Variants in TECRL observed in about 807,000 individuals in gnomAD.
TECRL encodes trans-2,3-enoyl-CoA reductase like.
Under a neutral mutation model 52.8 loss-of-function variants are expected in TECRL, and 63 were observed. The observed-to-expected ratio is 1.19, with a 90% confidence interval of 0.97 to 1.47. TECRL has a LOEUF of 1.47. Ranked by LOEUF, TECRL falls within the 40% of genes most tolerant of loss-of-function variation. The pLI is 0.00. For synonymous variants in TECRL, 164 were observed against 141.9 expected (o/e 1.16, Z -1.10); for missense variants, 482 against 429.6 (o/e 1.12, Z -1.08).
At chr4:64,406,924 C>G (rs1487170540) in intron 1 of TECRL, among the ~76,000 whole-genome samples, 1 of 151,144 alleles carries the variant, frequency 6.6e-6, no homozygotes, top group Non-Finnish European at 1.5e-5. Context: ...GTTAATTTGT[C>G]TAAGAAAAAT....
At chr4:64,304,008 AAAT>A (rs1724177133) in intron 7 of TECRL, among the ~76,000 whole-genome samples, 1 of 151,850 alleles carries the variant, frequency 6.6e-6, no homozygotes, top group African/African-American at 2.4e-5. Context: ...TAAAGCCACA[AAAT>A]AATGTTTTTA....
In TECRL at chr4:64,278,334, CAT is replaced by C. The variant is rs549968419; in HGVS notation, c.*1736_*1737del. The C allele has an allele frequency of 1.0e-3, 173 of 172,210 alleles. No individual in the cohort carries two copies. Among genetic ancestry groups the C allele is most frequent in the Non-Finnish European group, 1.8e-3 (157 of 86,614 alleles). 10.7% of individuals were successfully genotyped at this position (172,210 alleles called of 1,614,324 possible). A position where few individuals can be genotyped will look rare whatever the true frequency, so the allele number is the denominator to read the frequency against. On this transcript the variant is annotated 3_prime_UTR_variant, in exon 12 of 12. Transcript: ENST00000381210. Reference sequence around the variant, plus strand: ...TTTCCGCAAGAATTTGAACTAATGACATAATACCTATGACACATCTCACTAAC... The same window carrying C: ...TTTCCGCAAGAATTTGAACTAATGACAATACCTATGACACATCTCACTAAC...
intron 1 of TECRL, among the ~76,000 whole-genome samples, chr4:64,402,357 T>G (rs537601481): frequency 6.6e-6 from 1 of 152,166 alleles, no homozygotes; most frequent in Non-Finnish European, 1.5e-5. Context: ...ATATATCAAT[T>G]ATAAGCCTCA....
intron 5 of TECRL, among the ~76,000 whole-genome samples, chr4:64,312,110 G>A (rs1305155677): frequency 3.9e-5 from 6 of 152,062 alleles, no homozygotes; most frequent in African/African-American, 7.2e-5. Flanking sequence ...GTGGTGGTTC[G>A]GTCACATATA....
intron 5 of TECRL, among the ~76,000 whole-genome samples, chr4:64,311,994 T>A (rs373935111): frequency 6.6e-6 from 1 of 152,160 alleles, no homozygotes; most frequent in South Asian, 2.1e-4. Flanking sequence ...GATAAGGAAA[T>A]GTTCAGGTAA....
rs542830117 is a variant in TECRL, at chr4:64,353,320, C to G, written c.286+21852G>C. Among the ~76,000 whole-genome samples the G allele has an allele frequency of 4.6e-5, 7 of 152,156 alleles. No individual in the cohort carries two copies. In the South Asian group the frequency reaches 1.4e-3, roughly 32 times the overall value. The stretch of plus-strand genomic sequence containing the variant: ...TATCATAAGGAGCTTCAACTTGATG[C>G]TAGAGGTACTAAAGAATGGATAAAA... On this transcript the variant is annotated intron_variant, in intron 2 of 11. Coordinates refer to ENST00000381210, the MANE Select transcript of TECRL (RefSeq NM_001010874.5).
intron 1 of TECRL, among the ~76,000 whole-genome samples, chr4:64,383,299 G>A (rs993868079): frequency 5.3e-5 from 8 of 152,000 alleles, no homozygotes; most frequent in African/African-American, 1.9e-4. Flanking sequence ...GTATCTGGAT[G>A]TCTATATCTT....
chr4:64,320,846 T>A (rs1168498558), intron 4 of TECRL, among the ~76,000 whole-genome samples: 1 of 152,122 alleles, frequency 6.6e-6, no homozygotes, highest in African/African-American at 2.4e-5. Context: ...TGCAAATGCA[T>A]GCATCGTCTA....
chr4:64,328,276 C>T (rs989282817), intron 3 of TECRL, among the ~76,000 whole-genome samples: 15 of 151,888 alleles, frequency 9.9e-5, no homozygotes, highest in African/African-American at 3.6e-4. Context: ...GCTTCACAAA[C>T]AAAAATATTT....
chr4:64,333,497 A>T (rs1718799234), intron 2 of TECRL, among the ~76,000 whole-genome samples: 1 of 152,190 alleles, frequency 6.6e-6, no homozygotes, highest in Admixed American at 6.5e-5. Context: ...GGATAATTCT[A>T]TACAAAAAAG....
At chr4:64,302,813 T>C (rs1320090639) in intron 7 of TECRL, among the ~76,000 whole-genome samples, 1 of 151,410 alleles carries the variant, frequency 6.6e-6, no homozygotes. Flanking sequence ...TCCTTAAATA[T>C]GATTATTTAT....
intron 3 of TECRL, among the ~76,000 whole-genome samples, chr4:64,326,636 A>G (rs1006968208): frequency 6.6e-6 from 1 of 152,132 alleles, no homozygotes; most frequent in African/African-American, 2.4e-5. Context: ...AGGGAATTTC[A>G]TGAAAGTTGT....
At chr4:64,280,303 T>C (rs1722757318) in intron 11 of TECRL, 104 bp from the exon 12 acceptor site, 1 of 943,640 alleles carries the variant, frequency 1.1e-6, no homozygotes, top group African/African-American at 1.7e-5. Flanking sequence ...GTTTCTCAAA[T>C]GTTGCATAAT....
At chr4:64,276,620 C>T (rs1346997061), downstream of TECRL, 1 of 153,126 alleles carries the variant, frequency 6.5e-6, no homozygotes, top group Non-Finnish European at 1.5e-5. Context: ...GTAATTGAGA[C>T]ACTTACAACT....
At chr4:64,362,947 C>A (rs1002870600) in intron 2 of TECRL, among the ~76,000 whole-genome samples, 2 of 151,206 alleles carry the variant, frequency 1.3e-5, no homozygotes, top group Admixed American at 6.6e-5. Context: ...TTCAAGAGAC[C>A]CATCTCATAT....
At chr4:64,345,907 C>CAAAAAAAAAAAAAA (rs777171822) in intron 2 of TECRL, among the ~76,000 whole-genome samples, 449 of 23,344 alleles carry the variant, frequency 0.019, 200 homozygotes, top group Middle Eastern at 0.14. Context: ...GCCTCAACAG[C>CAAAAAAAAAAAAAA]AAAAAAAAAA....
At chr4:64,281,385 A>G in intron 10 of TECRL, 89 bp downstream of exon 10, 1 of 783,536 alleles carries the variant, frequency 1.3e-6, no homozygotes, top group Non-Finnish European at 2.0e-6. Flanking sequence ...TCCTGTATAT[A>G]TTAATTTATA....
intron 4 of TECRL, among the ~76,000 whole-genome samples, chr4:64,316,497 G>T (rs2110016084): frequency 6.6e-6 from 1 of 152,026 alleles, no homozygotes; most frequent in South Asian, 2.1e-4. Context: ...AGAAGAAAGG[G>T]GAAAAGACGA....
chr4:64,312,979 G>T (rs553960960), intron 5 of TECRL, among the ~76,000 whole-genome samples: 1 of 152,026 alleles, frequency 6.6e-6, no homozygotes, highest in Non-Finnish European at 1.5e-5. Flanking sequence ...AGTACCTTCC[G>T]CCATAATTGT....
Sources: allele counts gnomAD v4.1 joint callset (sites outside exome capture counted in the v4.1 genomes callset), GRCh38; gene constraint gnomAD v4.1.1; transcripts MANE v1.5; gene names NCBI Gene and HGNC (gene_info 2026-07-23, HGNC 2026-07-21).